Variants in LAT observed in about 807,000 individuals in gnomAD.
The protein encoded by LAT is linker for activation of T cells.
LAT carries 12 observed loss-of-function variants against 39.1 expected under a neutral mutation model. The observed-to-expected ratio is 0.31, with a 90% CI of 0.20 to 0.50. The LOEUF is 0.50. Among genes scored for constraint, LAT ranks in the 20% least tolerant of loss-of-function variants. LAT has a pLI of 0.98. For synonymous variants in LAT, 117 were observed against 123.8 expected (o/e 0.95, Z 0.36); for missense variants, 253 against 308.0 (o/e 0.82, Z 1.34).
chr16:28,984,826 G>A (rs976246307), upstream of LAT: 4 of 1,546,944 alleles, frequency 2.6e-6, no homozygotes, highest in African/African-American at 5.5e-5. Flanking sequence ...CCCACTGTCA[G>A]GGCCTCCCTG....
At position 28,990,237 on chromosome 16, in the gene LAT, T is replaced by C. The variant is rs1181369640; in HGVS notation, c.*56T>C. ...CCAGGCTTGCCTGGGACGGCTGAGC[T>C]GGGCAGCTGGAAGTGGCTCTGGGGT... On this transcript the variant is annotated 3_prime_UTR_variant, in exon 12 of 12. Transcript: ENST00000395456. The C allele has an allele frequency of 2.9e-6, 2 of 693,106 alleles. No homozygotes were observed. Among genetic ancestry groups the C allele is most frequent in the Non-Finnish European group, 5.3e-6 (2 of 379,836 alleles). The allele number at this position is 693,106 out of a possible 1,614,324, so 42.9% of individuals were successfully genotyped here. A position where few individuals can be genotyped will look rare whatever the true frequency, so the allele number is the denominator to read the frequency against.
At position 28,990,410 on chromosome 16, in the gene LAT, C is replaced by G. The variant is rs572530726; in HGVS notation, c.*229C>G. 2.5e-6 allele frequency: 1 copy of G among 406,296 alleles called. No individual in the cohort carries two copies. The highest frequency in any genetic ancestry group is 6.4e-5 in the East Asian group (1 of 15,738). The allele number at this position is 406,296 out of a possible 1,614,324, so 25.2% of individuals were successfully genotyped here. A position where few individuals can be genotyped will look rare whatever the true frequency, so the allele number is the denominator to read the frequency against. ...TGAGAATGACCTGCCCTGGCCCCAG[C>G]CCTACTCTGTGTAATAGAATAAAGG... is the stretch of plus-strand genomic sequence containing the variant. On this transcript the variant is annotated 3_prime_UTR_variant, in exon 12 of 12. Coordinates refer to ENST00000395456, the MANE Select transcript of LAT (RefSeq NM_001014987.2).
chr16:28,989,289 C>T (rs1965821964), intron 8 of LAT: 2 of 513,928 alleles, frequency 3.9e-6, no homozygotes, highest in East Asian at 3.2e-5. Flanking sequence ...AGTGGACCTC[C>T]TCCCTCCCTC....
At chr16:28,989,451 A>T (rs1354429744) in intron 8 of LAT, 76 bp from the exon 9 acceptor site, 9 of 1,339,402 alleles carry the variant, frequency 6.7e-6, no homozygotes. Flanking sequence ...TGCATGGCTG[A>T]GGTTGGGGGT....
Position 28,986,537 on chromosome 16 carries a change from A to G in LAT, c.311-3A>G, listed in dbSNP as rs773818567. On this transcript the variant is annotated splice_region_variant and splice_polypyrimidine_tract_variant and intron_variant, in intron 5 of 11. Transcript: ENST00000395456. The surrounding 1 kb of genome is among the most constrained non-coding windows in gnomAD (Gnocchi z 5.7). ...TAGTCTCCCTCTCACCCTCTCTTTG[A>G]AGCCAACAGTGTGGCGAGCTACGAG... 9.3e-6 allele frequency: 15 copies of G among 1,611,054 alleles called. No homozygotes were observed. The highest frequency in any genetic ancestry group is 1.2e-5 in the Non-Finnish European group (14 of 1,177,908).
Position 28,985,456 on chromosome 16 carries a change from C to G in LAT, c.39C>G (p.Leu13=). 6.2e-7 allele frequency: 1 copy of G among 1,613,832 alleles called. No homozygotes were observed. The highest frequency in any genetic ancestry group is 8.5e-7 in the Non-Finnish European group (1 of 1,179,936). ...EAILVPCVLG[L]LLLPILAMLM... ...TCCTGGTCCCCTGCGTGCTGGGGCT[C>G]CTGCTGCTGCCCATCCTGGCCATGT... The change falls in exon 1 of 12, where the codon CTC becomes CTG. Residue 13 remains leucine, a synonymous_variant. Coordinates refer to ENST00000395456, the MANE Select transcript of LAT (RefSeq NM_001014987.2). The surrounding 1 kb of genome is among the most constrained non-coding windows in gnomAD (Gnocchi z 4.6).
In LAT at chr16:28,990,411, C is replaced by T; in HGVS notation, c.*230C>T. Reference sequence around the variant, plus strand: ...GAGAATGACCTGCCCTGGCCCCAGCCCTACTCTGTGTAATAGAATAAAGGC... The same window carrying T: ...GAGAATGACCTGCCCTGGCCCCAGCTCTACTCTGTGTAATAGAATAAAGGC... On this transcript the variant is annotated 3_prime_UTR_variant, in exon 12 of 12. Coordinates refer to ENST00000395456, the MANE Select transcript of LAT (RefSeq NM_001014987.2). 2.5e-6 allele frequency: 1 copy of T among 406,036 alleles called. No individual in the cohort carries two copies. Among genetic ancestry groups the T allele is most frequent in the Non-Finnish European group, 4.8e-6 (1 of 207,294 alleles). 25.2% of individuals were successfully genotyped at this position (406,036 alleles called of 1,614,324 possible). A position where few individuals can be genotyped will look rare whatever the true frequency, so the allele number is the denominator to read the frequency against.
In LAT at chr16:28,985,715, T is replaced by C; in HGVS notation, c.103T>C (p.Ser35Pro). 1 of 1,613,824 alleles carries C rather than the reference T, an allele frequency of 6.2e-7. No homozygotes were observed. Among genetic ancestry groups the C allele is most frequent in the Non-Finnish European group, 8.5e-7 (1 of 1,179,918 alleles). ...CTCACCAGCCCTCTCTTTCCCAGGCTCCTACGACAGCACATCCTCAGATAG... is the reference window on the plus strand; with the variant it reads ...CTCACCAGCCCTCTCTTTCCCAGGCCCCTACGACAGCACATCCTCAGATAG... ...LCVHCHRLPG[S>P]YDSTSSDSLY... The change falls in exon 2 of 12, where the codon TCC becomes CCC. Residue 35 changes from serine to proline, a missense_variant and splice_region_variant. Ser to Pro is a moderately conservative substitution (Grantham distance 74). Coordinates refer to ENST00000395456, the MANE Select transcript of LAT (RefSeq NM_001014987.2). This position sits in a 1 kb window ranked among gnomAD's most constrained non-coding sequence, Gnocchi z 4.6.
chr16:28,987,696 T>C (rs561226162), intron 8 of LAT: 3 of 151,378 alleles, frequency 2.0e-5, no homozygotes, highest in Non-Finnish European at 4.4e-5. Flanking sequence ...TCCAAGTACT[T>C]CTTTTCTTTC....
At chr16:28,989,242 G>A (rs1194172715) in intron 8 of LAT, 5 of 399,370 alleles carry the variant, frequency 1.3e-5, no homozygotes, top group African/African-American at 2.0e-5. Flanking sequence ...GCTGTGCTGG[G>A]GCCTGACCCT....
chr16:28,986,979 G>C lies in LAT; in HGVS notation c.493+86G>C. The C allele has an allele frequency of 8.9e-7, 1 of 1,122,422 alleles. No individual in the cohort carries two copies. The highest frequency in any genetic ancestry group is 1.3e-6 in the Non-Finnish European group (1 of 783,046). 69.5% of individuals were successfully genotyped at this position (1,122,422 alleles called of 1,614,324 possible). A position where few individuals can be genotyped will look rare whatever the true frequency, so the allele number is the denominator to read the frequency against. ...TGCCATTGTAGCTCGCTGCAGCCTTGAACTCCTGGGCTCCAGTGATCCTCC... is the reference window on the plus strand; with the variant it reads ...TGCCATTGTAGCTCGCTGCAGCCTTCAACTCCTGGGCTCCAGTGATCCTCC... On this transcript the variant is annotated intron_variant, in intron 8 of 11. Coordinates refer to ENST00000395456, the MANE Select transcript of LAT (RefSeq NM_001014987.2). The surrounding 1 kb of genome is among the most constrained non-coding windows in gnomAD (Gnocchi z 5.7).
At chr16:28,989,448 C>A in intron 8 of LAT, 79 bp from the exon 9 acceptor site, 1 of 1,326,554 alleles carries the variant, frequency 7.5e-7, no homozygotes, top group Non-Finnish European at 1.1e-6. Flanking sequence ...CTCTGCATGG[C>A]TGAGGTTGGG....
In LAT at chr16:28,989,964, G is replaced by A; in HGVS notation, c.654G>A (p.Val218=). The change falls in exon 11 of 12, where the codon GTG becomes GTA. Residue 218 remains valine, a synonymous_variant. Transcript: ENST00000395456. ...AALSSQEAEE[V]EEEGAPDYEN... ...TGAGTTCCCAGGAGGCAGAGGAAGTGGAGGAAGAGGGGGCTCCAGATTACG... is the reference window on the plus strand; with the variant it reads ...TGAGTTCCCAGGAGGCAGAGGAAGTAGAGGAAGAGGGGGCTCCAGATTACG... 6.2e-7 allele frequency: 1 copy of A among 1,613,896 alleles called. No homozygotes were observed. The highest frequency in any genetic ancestry group is 8.5e-7 in the Non-Finnish European group (1 of 1,179,972).
At chr16:28,989,716 T>G in intron 9 of LAT, 58 bp from the exon 10 acceptor site, 1 of 1,601,268 alleles carries the variant, frequency 6.2e-7, no homozygotes, top group Non-Finnish European at 8.6e-7. Context: ...GTCCCCTTGC[T>G]CTCTCGCCCT....
rs771623836 is a variant in LAT, at chr16:28,989,511, C to A, written c.494-16C>A. On this transcript the variant is annotated splice_polypyrimidine_tract_variant and intron_variant, in intron 8 of 11. Coordinates refer to ENST00000395456, the MANE Select transcript of LAT (RefSeq NM_001014987.2). The stretch of plus-strand genomic sequence containing the variant: ...TCTCTGGTCACAGTGCCGAGGTGGG[C>A]CTGGCTTTTCCACAGTGGAGTCCAT... The A allele has an allele frequency of 1.3e-6, 2 of 1,596,592 alleles. No individual in the cohort carries two copies. Among genetic ancestry groups the A allele is most frequent in the Non-Finnish European group, 1.7e-6 (2 of 1,170,608 alleles).
chr16:28,986,820 C>A lies in LAT; in HGVS notation c.420C>A (p.Thr140=), dbSNP rs750939577. 1.2e-6 allele frequency: 2 copies of A among 1,614,026 alleles called. No homozygotes were observed. Among genetic ancestry groups the A allele is most frequent in the Non-Finnish European group, 1.7e-6 (2 of 1,179,968 alleles). ...TCAGGGTGGTGCTTCCTGACAGCACCCCGGCCACTAGCACTGCTGCCCCAT... is the reference window on the plus strand; with the variant it reads ...TCAGGGTGGTGCTTCCTGACAGCACACCGGCCACTAGCACTGCTGCCCCAT... ...PGYLVVLPDS[T]PATSTAAPSA... Residue 140 remains threonine (T), a synonymous_variant, in exon 8 of 12, where the codon ACC becomes ACA. Coordinates refer to ENST00000395456, the MANE Select transcript of LAT (RefSeq NM_001014987.2). This position sits in a 1 kb window ranked among gnomAD's most constrained non-coding sequence, Gnocchi z 5.7.
In LAT at chr16:28,990,733, C is replaced by G. The variant is rs1461365490; in HGVS notation, c.*552C>G. 1 of 154,900 alleles carries G rather than the reference C, an allele frequency of 6.5e-6. No individual in the cohort carries two copies. Among genetic ancestry groups the G allele is most frequent in the African/African-American group, 2.4e-5 (1 of 41,458 alleles). The allele number at this position is 154,900 out of a possible 1,614,324, so 9.6% of individuals were successfully genotyped here. ...TGGGACCTGATGACCTGGGAGGACT[C>G]TCTTAGTTCTTACCTTTTGTGGTTC... On this transcript the variant is annotated 3_prime_UTR_variant, in exon 12 of 12. Coordinates refer to ENST00000395456, the MANE Select transcript of LAT (RefSeq NM_001014987.2).
chr16:28,985,878 C>T lies in LAT; in HGVS notation c.153C>T (p.Phe51=). The change falls in exon 3 of 12, where the codon TTC becomes TTT. Residue 51 remains phenylalanine, a synonymous_variant. Coordinates refer to ENST00000395456, the MANE Select transcript of LAT (RefSeq NM_001014987.2). This position sits in a 1 kb window ranked among gnomAD's most constrained non-coding sequence, Gnocchi z 4.6. ...SDSLYPRGIQ[F]KRPHTVAPWP... ...GTTTGTATCCAAGGGGCATCCAGTT[C>T]AAACGGCCTCGTGAGTACAAGGAGG... 5 of 1,614,106 alleles carry T rather than the reference C, an allele frequency of 3.1e-6. No homozygotes were observed. The highest frequency in any genetic ancestry group is 3.4e-6 in the Non-Finnish European group (4 of 1,179,990).
Position 28,985,710 on chromosome 16 carries a change from C to T in LAT, c.101-3C>T. 6.2e-7 allele frequency: 1 copy of T among 1,613,884 alleles called. No individual in the cohort carries two copies. The highest frequency in any genetic ancestry group is 8.5e-7 in the Non-Finnish European group (1 of 1,179,934). ...CCTGCCTCACCAGCCCTCTCTTTCC[C>T]AGGCTCCTACGACAGCACATCCTCA... is the stretch of plus-strand genomic sequence containing the variant. On this transcript the variant is annotated splice_polypyrimidine_tract_variant and splice_region_variant and intron_variant, in intron 1 of 11. Coordinates refer to ENST00000395456, the MANE Select transcript of LAT (RefSeq NM_001014987.2). This position sits in a 1 kb window ranked among gnomAD's most constrained non-coding sequence, Gnocchi z 4.6.
Sources: gnomAD v4.1 joint callset for allele counts on GRCh38, gnomAD v4.1.1 for gene constraint, Gnocchi (gnomAD v3.1) non-coding constraint, MANE v1.5 for transcripts, NCBI Gene and HGNC (gene_info 2026-07-23, HGNC 2026-07-21) for gene names.